PRRC2B: variants seen among roughly 807,000 people sequenced by gnomAD.
The protein encoded by PRRC2B is proline rich coiled-coil 2B.
A neutral mutation model predicts 242.3 loss-of-function variants in PRRC2B; 68 were observed. The observed-to-expected ratio is 0.28, with a 90% CI of 0.23 to 0.34. The LOEUF (loss-of-function observed/expected upper bound fraction) is 0.34, where lower values mean the gene tolerates loss of function less well. Among genes scored for constraint, PRRC2B ranks in the 10% least tolerant of loss-of-function variants. The probability of loss-of-function intolerance (pLI) is 1.00; values close to 1 mark genes in which losing one functional copy is unlikely to be tolerated. For synonymous variants in PRRC2B, 1,228 were observed against 1,173.6 expected, an observed-to-expected ratio of 1.05 and a Z score of -0.95; for missense variants, 2,835 against 2,954.8, an observed-to-expected ratio of 0.96 and a Z score of 0.94.
At chr9:131,412,621 C>T (rs549126121) in intron 1 of PRRC2B, among the ~76,000 whole-genome samples, 5 of 152,302 alleles carry the variant, frequency 3.3e-5, no homozygotes, top group South Asian at 2.1e-4. Flanking sequence ...GCTCTGCTGA[C>T]GCTGTAAAGA....
At chr9:131,458,407 A>T (rs1943144336) in intron 10 of PRRC2B, among the ~76,000 whole-genome samples, 1 of 152,146 alleles carries the variant, frequency 6.6e-6, no homozygotes, top group Non-Finnish European at 1.5e-5. Flanking sequence ...ACACTGGAAG[A>T]GTTGTCTTGA....
Position 131,416,731 on chromosome 9 carries a change from C to T in PRRC2B, c.-51-13363C>T, listed in dbSNP as rs191714129. Among the ~76,000 whole-genome samples, 73 of 151,876 alleles carry T rather than the reference C, an allele frequency of 4.8e-4. 1 individual carries two copies. Among genetic ancestry groups the T allele is most frequent in the Admixed American group, 1.8e-3 (28 of 15,244 alleles). On this transcript the variant is annotated intron_variant, in intron 1 of 31. Coordinates refer to ENST00000683519, the MANE Select transcript of PRRC2B (RefSeq NM_013318.4). Reference sequence around the variant, plus strand: ...TGACCATGACAGTTTTGAGGCATACCGATCAGATATTTGGTAGAATGTTCC... The same window carrying T: ...TGACCATGACAGTTTTGAGGCATACTGATCAGATATTTGGTAGAATGTTCC...
At position 131,474,902 on chromosome 9, in the gene PRRC2B, T is replaced by TCCAGCAG; in HGVS notation, c.2780_2786dup (p.His929GlnfsTer34). 6.3e-7 allele frequency: 1 copy of TCCAGCAG among 1,594,752 alleles called. No individual in the cohort carries two copies. The highest frequency in any genetic ancestry group is 8.5e-7 in the Non-Finnish European group (1 of 1,171,384). On this transcript the variant is annotated frameshift_variant, in exon 16 of 32. Transcript: ENST00000683519. LOFTEE classifies it high-confidence loss of function. ...TGAATGGACTCCCGAGCCCCGGAGC[T>TCCAGCAG]CCAGCAGCCAGCACCCGGAGCAGAC...
chr9:131,496,622 G>A lies in PRRC2B; in HGVS notation c.*748G>A, dbSNP rs1944341711. ...GGGTGCTCAGAGCAGCAGGCAGGTT[G>A]GGGGAGGGGGGGGGTCATAGTTGGG... On this transcript the variant is annotated 3_prime_UTR_variant, in exon 32 of 32. Coordinates refer to ENST00000683519, the MANE Select transcript of PRRC2B (RefSeq NM_013318.4). 1 of 145,950 alleles carries A rather than the reference G, an allele frequency of 6.9e-6. No homozygotes were observed. The highest frequency in any genetic ancestry group is 1.5e-5 in the Non-Finnish European group (1 of 65,636). 9.0% of individuals were successfully genotyped at this position (145,950 alleles called of 1,614,324 possible). A position where few individuals can be genotyped will look rare whatever the true frequency, so the allele number is the denominator to read the frequency against.
intron 9 of PRRC2B, among the ~76,000 whole-genome samples, chr9:131,450,592 T>TG (rs1942881661): frequency 1.4e-5 from 2 of 146,680 alleles, no homozygotes; most frequent in East Asian, 4.1e-4. Flanking sequence ...AACTTGGTGG[T>TG]GTTTTTTTTT....
chr9:131,478,649 G>GGGGGGGGGGCCAGGGCC, intron 18 of PRRC2B, 30 bp downstream of exon 18: 4 of 504,544 alleles, frequency 7.9e-6, no homozygotes, highest in East Asian at 5.1e-5. Flanking sequence ...GGGGCATGGG[G>GGGGGGGGGGCCAGGGCC]CTGGAGGGCA....
In PRRC2B at chr9:131,401,306, C is replaced by T. The variant is rs1335609265; in HGVS notation, c.-52+7043C>T. ...TCCAGAACGTTCTCATCTTCCCAAACTGAAACTCTGTTCCCATTAGATGCC... is the reference window on the plus strand; with the variant it reads ...TCCAGAACGTTCTCATCTTCCCAAATTGAAACTCTGTTCCCATTAGATGCC... On this transcript the variant is annotated intron_variant, in intron 1 of 31. Transcript: ENST00000683519. 2.6e-5 allele frequency among the ~76,000 whole-genome samples: 4 copies of T among 152,128 alleles called. No homozygotes were observed. In the East Asian group the frequency reaches 5.8e-4, roughly 22 times the overall value.
At chr9:131,419,419 C>G (rs184959015) in intron 1 of PRRC2B, among the ~76,000 whole-genome samples, 1 of 152,176 alleles carries the variant, frequency 6.6e-6, no homozygotes, top group Non-Finnish European at 1.5e-5. Context: ...GTCCCCAGTG[C>G]ACAGGAGGAG....
chr9:131,416,632 C>A (rs77346122), intron 1 of PRRC2B, among the ~76,000 whole-genome samples: 8 of 125,996 alleles, frequency 6.3e-5, no homozygotes, highest in African/African-American at 2.3e-4. Context: ...TTTTTTTTTT[C>A]CGTTCTAGGA....
chr9:131,458,178 T>C (rs577763856), intron 10 of PRRC2B, among the ~76,000 whole-genome samples: 3 of 152,096 alleles, frequency 2.0e-5, no homozygotes, highest in Non-Finnish European at 4.4e-5. Context: ...TGGCACTGTT[T>C]AGTAGTCATC....
chr9:131,411,970 A>G (rs1273790209), intron 1 of PRRC2B, among the ~76,000 whole-genome samples: 3 of 146,012 alleles, frequency 2.1e-5, no homozygotes, highest in African/African-American at 7.6e-5. Flanking sequence ...CAGCTAATTA[A>G]TTTTTTTTTT....
intron 9 of PRRC2B, among the ~76,000 whole-genome samples, chr9:131,453,406 T>C (rs1345125489): frequency 6.6e-6 from 1 of 152,224 alleles, no homozygotes; most frequent in Non-Finnish European, 1.5e-5. Context: ...AATTTTAATT[T>C]AATTTATTTT....
At chr9:131,411,144 C>G (rs1837495647) in intron 1 of PRRC2B, among the ~76,000 whole-genome samples, 1 of 151,670 alleles carries the variant, frequency 6.6e-6, no homozygotes, top group Non-Finnish European at 1.5e-5. Context: ...GTAATCCCAG[C>G]TACTTGGGAG....
intron 1 of PRRC2B, among the ~76,000 whole-genome samples, chr9:131,383,566 G>C (rs1836788735): frequency 6.6e-6 from 1 of 151,500 alleles, no homozygotes; most frequent in Non-Finnish European, 1.5e-5. Flanking sequence ...TATTCTTGTA[G>C]GGTTTTTGTT....
At chr9:131,420,453 T>TTTTCTTTTTCTTTCTTTCTTTCTTTC (rs1837777532) in intron 1 of PRRC2B, among the ~76,000 whole-genome samples, 5 of 60,986 alleles carry the variant, frequency 8.2e-5, no homozygotes, top group Admixed American at 4.3e-4. Context: ...TTCTTTTTCT[T>TTTTCTTTTTCTTTCTTTCTTTCTTTC]TTTCTTTCTT....
intron 6 of PRRC2B, among the ~76,000 whole-genome samples, chr9:131,445,526 G>A (rs1838770351): frequency 6.6e-6 from 1 of 152,158 alleles, no homozygotes; most frequent in Non-Finnish European, 1.5e-5. Context: ...CTGCCTTGTG[G>A]GACTATAAAA....
upstream of PRRC2B, among the ~76,000 whole-genome samples, chr9:131,390,163 T>A (rs1187456998): frequency 6.7e-6 from 1 of 150,194 alleles, no homozygotes; most frequent in African/African-American, 2.4e-5. Context: ...TCCTCCCGCC[T>A]TGGCTTCCCA....
intron 14 of PRRC2B, among the ~76,000 whole-genome samples, chr9:131,472,214 G>A (rs1306154942): frequency 2.6e-5 from 4 of 152,014 alleles, no homozygotes; most frequent in South Asian, 2.1e-4. Context: ...GTGTATCTTT[G>A]TATCTACAAG....
rs1473446330 is a variant in PRRC2B at position 131,495,881 on chromosome 9, C to G, written c.*7C>G. On this transcript the variant is annotated 3_prime_UTR_variant, in exon 32 of 32. Coordinates refer to ENST00000683519, the MANE Select transcript of PRRC2B (RefSeq NM_013318.4). ...GGAGGAGAGTAAGGCCTGACAGTGC[C>G]TGGCTGCCACCTCGCCTCTCCCTAC... 4 of 1,599,036 alleles carry G rather than the reference C, an allele frequency of 2.5e-6. No homozygotes were observed. The highest frequency in any genetic ancestry group is 1.7e-4 in the Middle Eastern group (1 of 6,020).
Sources: allele counts gnomAD v4.1 joint callset (sites outside exome capture counted in the v4.1 genomes callset), GRCh38; gene constraint gnomAD v4.1.1; transcripts MANE v1.5; gene names NCBI Gene and HGNC (gene_info 2026-07-23, HGNC 2026-07-21).